ULK4: variants seen among roughly 807,000 people sequenced by gnomAD.
ULK4 encodes inactive serine/threonine-protein kinase ULK4.
ULK4 carries 133 observed loss-of-function variants against 160.6 expected under a neutral mutation model. The ratio of observed to expected loss-of-function variants is 0.83; its 90% CI spans 0.72 to 0.96. The LOEUF is 0.96. Among genes scored for constraint, ULK4 ranks in the 40% least tolerant of loss-of-function variants. The pLI, the probability that ULK4 is intolerant of heterozygous loss-of-function variation, is 0.00. For missense variants in ULK4, 1,580 were observed against 1,499.5 expected, an observed-to-expected ratio of 1.05 and a Z score of -0.89; for synonymous variants, 534 against 539.8, an observed-to-expected ratio of 0.99 and a Z score of 0.15.
chr3:41,500,240 T>A (rs1283554548), intron 32 of ULK4, among the ~76,000 whole-genome samples: 1 of 151,614 alleles, frequency 6.6e-6, no homozygotes, highest in Non-Finnish European at 1.5e-5. Flanking sequence ...TTTTTCTAGC[T>A]TCCTAAATTG....
At chr3:41,615,328 T>C (rs918044462) in intron 31 of ULK4, among the ~76,000 whole-genome samples, 17 of 152,228 alleles carry the variant, frequency 1.1e-4, no homozygotes, top group Non-Finnish European at 2.2e-4. Context: ...AGAAAATTCA[T>C]ACTGAAGTGT....
At chr3:41,334,037 C>T (rs2080501843) in intron 35 of ULK4, among the ~76,000 whole-genome samples, 1 of 152,094 alleles carries the variant, frequency 6.6e-6, no homozygotes, top group African/African-American at 2.4e-5. Flanking sequence ...GACAGGATAA[C>T]TAAGAAACAC....
At chr3:41,831,012 T>TTTTA (rs1043705438) in intron 18 of ULK4, among the ~76,000 whole-genome samples, 8 of 96,902 alleles carry the variant, frequency 8.3e-5, no homozygotes, top group Admixed American at 2.9e-4. Flanking sequence ...TTATTATTTT[T>TTTTA]TTTATTTATT....
chr3:41,579,579 C>T (rs545920930), intron 31 of ULK4, among the ~76,000 whole-genome samples: 69 of 150,174 alleles, frequency 4.6e-4, no homozygotes, highest in African/African-American at 1.6e-3. Flanking sequence ...CTGCAAGCTC[C>T]GCCTCCCGGG....
rs188924940 is a variant in ULK4 at position 41,691,838 on chromosome 3, C to T, written c.2782-10034G>A. On this transcript the variant is annotated intron_variant, in intron 27 of 36. Transcript: ENST00000301831. ...TTTGAGAAATCAAATTAAAATTGTA[C>T]GCTTTAATGACAACCCAACACCAAA... Among the ~76,000 whole-genome samples, 84 of 151,108 alleles carry T rather than the reference C, an allele frequency of 5.6e-4. 1 individual carries two copies. The highest frequency in any genetic ancestry group is 1.9e-3 in the African/African-American group (77 of 41,250).
intron 19 of ULK4, among the ~76,000 whole-genome samples, chr3:41,811,083 C>T (rs1343499971): frequency 6.6e-6 from 1 of 151,736 alleles, no homozygotes; most frequent in African/African-American, 2.4e-5. Context: ...GATGGAGTCT[C>T]GCTATGTTGC....
chr3:41,827,620 A>T (rs1163054950), intron 18 of ULK4, among the ~76,000 whole-genome samples: 1 of 152,204 alleles, frequency 6.6e-6, no homozygotes, highest in Non-Finnish European at 1.5e-5. Flanking sequence ...ATCTCTGAAT[A>T]GACCAATAAC....
At chr3:41,568,302 C>A (rs558167574) in intron 31 of ULK4, among the ~76,000 whole-genome samples, 1 of 152,348 alleles carries the variant, frequency 6.6e-6, no homozygotes, top group African/African-American at 2.4e-5. Flanking sequence ...GCAGGGGAAG[C>A]TGCAATGCTA....
chr3:41,719,695 A>T (rs2037385121), intron 22 of ULK4, among the ~76,000 whole-genome samples: 1 of 152,188 alleles, frequency 6.6e-6, no homozygotes, highest in African/African-American at 2.4e-5. Context: ...CTATTACAAT[A>T]GGCTTCTAGC....
intron 31 of ULK4, among the ~76,000 whole-genome samples, chr3:41,594,288 G>A (rs748889944): frequency 2.6e-5 from 4 of 152,144 alleles, no homozygotes. Flanking sequence ...TATAATCTCA[G>A]CACTTTGGGA....
chr3:41,946,759 C>T (rs189732820), intron 2 of ULK4, among the ~76,000 whole-genome samples: 161 of 152,208 alleles, frequency 1.1e-3, no homozygotes, highest in Admixed American at 2.2e-3. Flanking sequence ...TTCCATGTTG[C>T]GGTCAAAGGG....
chr3:41,725,529 T>C (rs2037620603), intron 22 of ULK4, among the ~76,000 whole-genome samples: 1 of 152,192 alleles, frequency 6.6e-6, no homozygotes. Context: ...TCAATTATTG[T>C]ATTTTTCAGT....
At chr3:41,802,212 G>A (rs893619878) in intron 19 of ULK4, among the ~76,000 whole-genome samples, 1 of 151,998 alleles carries the variant, frequency 6.6e-6, no homozygotes, top group African/African-American at 2.4e-5. Flanking sequence ...CTATACAAAA[G>A]AACAAAGAAT....
chr3:41,815,899 T>C (rs1243481259), intron 19 of ULK4, among the ~76,000 whole-genome samples: 1 of 152,070 alleles, frequency 6.6e-6, no homozygotes, highest in South Asian at 2.1e-4. Flanking sequence ...CTTAGTGATG[T>C]TGGAGGAGAG....
intron 29 of ULK4, among the ~76,000 whole-genome samples, chr3:41,674,454 G>A (rs535836412): frequency 3.3e-5 from 5 of 152,226 alleles, no homozygotes; most frequent in East Asian, 1.9e-4. Flanking sequence ...TAAAAATCAC[G>A]GTAATTTTCT....
At chr3:41,776,459 C>CA in intron 21 of ULK4, among the ~76,000 whole-genome samples, 1 of 149,978 alleles carries the variant, frequency 6.7e-6, no homozygotes, top group Non-Finnish European at 1.5e-5. Context: ...CAAATGTCAA[C>CA]AAAAAAACTA....
chr3:41,722,646 T>C lies in ULK4; in HGVS notation c.2322-4785A>G, dbSNP rs182127233. Among the ~76,000 whole-genome samples the C allele has an allele frequency of 7.3e-4, 110 of 151,226 alleles. 2 individuals carry two copies. Among genetic ancestry groups the C allele is most frequent in the Non-Finnish European group, 1.1e-3 (75 of 68,000 alleles). On this transcript the variant is annotated intron_variant, in intron 22 of 36. Coordinates refer to ENST00000301831, the MANE Select transcript of ULK4 (RefSeq NM_017886.4). ...AACTCCATCTCAAAAAATTAATTAATTAAAATTAAATTAAAATAAAATGAA... is the reference window on the plus strand; with the variant it reads ...AACTCCATCTCAAAAAATTAATTAACTAAAATTAAATTAAAATAAAATGAA...
At chr3:41,704,505 TC>T (rs2036799863) in intron 27 of ULK4, among the ~76,000 whole-genome samples, 1 of 152,164 alleles carries the variant, frequency 6.6e-6, no homozygotes, top group South Asian at 2.1e-4. Context: ...AGGATTTCCT[TC>T]TCCTAAAGTC....
intron 35 of ULK4, among the ~76,000 whole-genome samples, chr3:41,353,513 TA>T (rs532717739): frequency 6.6e-6 from 1 of 151,810 alleles, no homozygotes; most frequent in Non-Finnish European, 1.5e-5. Context: ...AAAATTTTTT[TA>T]AAAATTAGCT....
Sources: gnomAD v4.1 joint callset for allele counts (sites outside exome capture counted in the v4.1 genomes callset) on GRCh38, gnomAD v4.1.1 for gene constraint, MANE v1.5 for transcripts, NCBI Gene and HGNC (gene_info 2026-07-23, HGNC 2026-07-21) for gene names.